Variants in NBEA observed in about 807,000 individuals in gnomAD.
NBEA encodes the protein neurobeachin.
Under a neutral mutation model 343.4 loss-of-function variants are expected in NBEA, and 44 were observed. That is an observed-to-expected ratio of 0.13 (90% CI 0.10 to 0.16). The LOEUF (loss-of-function observed/expected upper bound fraction) is 0.16. Ranked by LOEUF, NBEA falls within the 10% of genes least tolerant of loss-of-function variation. NBEA has a pLI of 1.00. For missense variants in NBEA, 2,555 were observed against 3,631.3 expected (o/e 0.70, Z 7.62); for synonymous variants, 1,175 against 1,238.7 (o/e 0.95, Z 1.08).
intron 41 of NBEA, among the ~76,000 whole-genome samples, chr13:35,536,847 G>A (rs2078579264): frequency 6.6e-6 from 1 of 152,200 alleles, no homozygotes; most frequent in Non-Finnish European, 1.5e-5. Context: ...ATCAACATAA[G>A]CTCAGAAATA....
At chr13:35,371,117 T>A (rs2152883602) in intron 38 of NBEA, among the ~76,000 whole-genome samples, 1 of 152,238 alleles carries the variant, frequency 6.6e-6, no homozygotes, top group South Asian at 2.1e-4. Context: ...TGTATCTCTT[T>A]AGGGATCTCT....
At chr13:35,467,005 A>G (rs996666197) in intron 40 of NBEA, among the ~76,000 whole-genome samples, 1 of 152,114 alleles carries the variant, frequency 6.6e-6, no homozygotes, top group African/African-American at 2.4e-5. Context: ...TCCCCCCTCC[A>G]TGCACATACA....
chr13:35,132,605 A>G (rs1241951916), intron 17 of NBEA, among the ~76,000 whole-genome samples: 2 of 152,240 alleles, frequency 1.3e-5, no homozygotes, highest in Admixed American at 6.5e-5. Flanking sequence ...ATGCTATGAC[A>G]TAATGAGTCC....
chr13:35,267,981 G>A (rs561184322), intron 34 of NBEA, among the ~76,000 whole-genome samples: 164 of 152,120 alleles, frequency 1.1e-3, no homozygotes, highest in Non-Finnish European at 1.7e-3. Context: ...TAATTACCAT[G>A]TCACCTAGCA....
chr13:35,406,898 T>C (rs1594514064), intron 38 of NBEA, among the ~76,000 whole-genome samples: 1 of 152,190 alleles, frequency 6.6e-6, no homozygotes. Context: ...CTTGCTCTTA[T>C]GTCTTACAGT....
intron 41 of NBEA, among the ~76,000 whole-genome samples, chr13:35,547,456 T>C (rs981589266): frequency 6.6e-6 from 1 of 152,188 alleles, no homozygotes; most frequent in African/African-American, 2.4e-5. Flanking sequence ...AAAACTGAGT[T>C]TGTGTATTAG....
At chr13:35,498,829 C>T (rs900346143) in intron 41 of NBEA, among the ~76,000 whole-genome samples, 3 of 151,860 alleles carry the variant, frequency 2.0e-5, no homozygotes, top group Non-Finnish European at 4.4e-5. Flanking sequence ...TAATTTTTTC[C>T]CCTTATACCT....
At chr13:35,583,010 A>G (rs2081127310) in intron 45 of NBEA, among the ~76,000 whole-genome samples, 2 of 152,204 alleles carry the variant, frequency 1.3e-5, no homozygotes, top group African/African-American at 4.8e-5. Flanking sequence ...TTCTCTGTAA[A>G]CATACTTAAT....
At chr13:35,519,102 C>T (rs764861502) in intron 41 of NBEA, among the ~76,000 whole-genome samples, 2 of 152,156 alleles carry the variant, frequency 1.3e-5, no homozygotes, top group Non-Finnish European at 2.9e-5. Flanking sequence ...CTTATGCCTA[C>T]GTGTCTCTTT....
chr13:35,420,458 G>A (rs1192484631), intron 38 of NBEA, among the ~76,000 whole-genome samples: 1 of 151,836 alleles, frequency 6.6e-6, no homozygotes, highest in Non-Finnish European at 1.5e-5. Context: ...TATAAAGGAT[G>A]GATATTGGTC....
intron 1 of NBEA, among the ~76,000 whole-genome samples, chr13:35,022,499 A>G (rs939468209): frequency 1.3e-5 from 2 of 152,130 alleles, no homozygotes; most frequent in African/African-American, 4.8e-5. Flanking sequence ...TTTGTTTCTT[A>G]GCTGGGGTAC....
intron 2 of NBEA, among the ~76,000 whole-genome samples, chr13:35,042,792 C>A (rs1477817187): frequency 6.6e-6 from 1 of 151,722 alleles, no homozygotes; most frequent in African/African-American, 2.4e-5. Flanking sequence ...ATACCTCTGT[C>A]TTACTTTTTA....
chr13:35,331,707 A>G (rs2038935914), intron 36 of NBEA, among the ~76,000 whole-genome samples: 1 of 152,080 alleles, frequency 6.6e-6, no homozygotes, highest in Non-Finnish European at 1.5e-5. Context: ...CATTTTGAAT[A>G]GGATACTTTG....
intron 44 of NBEA, among the ~76,000 whole-genome samples, chr13:35,557,460 G>A (rs1296946871): frequency 6.6e-6 from 1 of 152,070 alleles, no homozygotes; most frequent in African/African-American, 2.4e-5. Context: ...TTCTATTTGG[G>A]ACAATCTTTG....
intron 10 of NBEA, among the ~76,000 whole-genome samples, chr13:35,075,776 C>T (rs2064086748): frequency 6.6e-6 from 1 of 151,976 alleles, no homozygotes; most frequent in East Asian, 1.9e-4. Context: ...GTATTTCATT[C>T]TAATATTCTG....
intron 41 of NBEA, among the ~76,000 whole-genome samples, chr13:35,485,491 AT>A (rs1187444228): frequency 6.6e-6 from 1 of 152,120 alleles, no homozygotes; most frequent in Non-Finnish European, 1.5e-5. Flanking sequence ...TATCCATGTT[AT>A]GGAAAATTCA....
intron 1 of NBEA, among the ~76,000 whole-genome samples, chr13:35,038,916 C>G (rs1418151472): frequency 6.6e-6 from 1 of 152,088 alleles, no homozygotes; most frequent in Non-Finnish European, 1.5e-5. Flanking sequence ...GTGTTTGGGC[C>G]TAGTTCAGCA....
intron 40 of NBEA, among the ~76,000 whole-genome samples, chr13:35,461,172 C>G (rs150264083): frequency 2.0e-5 from 3 of 152,238 alleles, no homozygotes; most frequent in Admixed American, 1.3e-4. Flanking sequence ...TTGGAGGGGA[C>G]AAACAAACAT....
chr13:35,263,348 G>C (rs2033379464), intron 34 of NBEA, among the ~76,000 whole-genome samples: 1 of 152,268 alleles, frequency 6.6e-6, no homozygotes, highest in South Asian at 2.1e-4. Context: ...GACTTTATCA[G>C]CTGACTTTTA....
Sources: gnomAD v4.1 joint callset for allele counts (sites outside exome capture counted in the v4.1 genomes callset) on GRCh38, gnomAD v4.1.1 for gene constraint, MANE v1.5 for transcripts, NCBI Gene and HGNC (gene_info 2026-07-23, HGNC 2026-07-21) for gene names.